Variants in ACKR2 observed in about 807,000 individuals in gnomAD.
ACKR2 encodes the protein atypical chemokine receptor 2, also known as C-C chemokine receptor D6.
For missense variants in ACKR2, 457 were observed against 477.3 expected (o/e 0.96, Z 0.40); for synonymous variants, 207 against 192.2 (o/e 1.08, Z -0.64).
At chr3:42,820,828 C>T (rs1346067249) in intron 2 of ACKR2, among the ~76,000 whole-genome samples, 5 of 150,162 alleles carry the variant, frequency 3.3e-5, no homozygotes. Context: ...TAAGGTGCAG[C>T]TTGTGAGTTC....
chr3:42,854,441 G>A (rs974698144), intron 2 of ACKR2, among the ~76,000 whole-genome samples: 2 of 152,066 alleles, frequency 1.3e-5, no homozygotes, highest in African/African-American at 2.4e-5. Context: ...TCCCACTGTC[G>A]GAACCTCAAC....
chr3:42,825,064 G>A (rs938519819), intron 2 of ACKR2, among the ~76,000 whole-genome samples: 1 of 152,108 alleles, frequency 6.6e-6, no homozygotes, highest in African/African-American at 2.4e-5. Flanking sequence ...CTATTCGATT[G>A]ATCTATATGA....
chr3:42,863,065 A>G (rs919813178), intron 2 of ACKR2, among the ~76,000 whole-genome samples: 1 of 152,254 alleles, frequency 6.6e-6, no homozygotes, highest in Admixed American at 6.5e-5. Flanking sequence ...ATCAGAGTGA[A>G]CAGACAACCT....
Position 42,864,958 on chromosome 3 carries a change from C to A in ACKR2, c.456C>A (p.Tyr152Ter). 2 of 1,614,130 alleles carry A rather than the reference C, an allele frequency of 1.2e-6. No homozygotes were observed. The highest frequency in any genetic ancestry group is 1.7e-6 in the Non-Finnish European group (2 of 1,180,020). ...TGGAGATCGTTCATGCTCAGCCCTA[C>A]CACAGGCTGAGGACCCGGGCCAAGA... ...KYLEIVHAQP[Y>*]HRLRTRAKSL... The change falls in exon 3 of 3, where the codon TAC (tyrosine) becomes TAA (stop). Residue 152 changes from tyrosine (Y) to a stop codon, truncating the protein, a stop_gained. Coordinates refer to ENST00000422265, the MANE Select transcript of ACKR2 (RefSeq NM_001296.5). LOFTEE classifies it low-confidence loss of function (END_TRUNC).
chr3:42,815,575 G>A (rs1700739969), intron 1 of ACKR2, among the ~76,000 whole-genome samples: 1 of 152,176 alleles, frequency 6.6e-6, no homozygotes, highest in African/African-American at 2.4e-5. Context: ...TTTCAAAGTT[G>A]TATTTAAAAC....
intron 2 of ACKR2, among the ~76,000 whole-genome samples, chr3:42,824,807 A>G (rs1700845417): frequency 6.6e-6 from 1 of 152,212 alleles, no homozygotes; most frequent in East Asian, 1.9e-4. Flanking sequence ...ACATTTGTGT[A>G]TATGTGTTTT....
intron 2 of ACKR2, among the ~76,000 whole-genome samples, chr3:42,826,757 T>C (rs1700869589): frequency 6.6e-6 from 1 of 152,194 alleles, no homozygotes; most frequent in African/African-American, 2.4e-5. Flanking sequence ...TTATTTTGTC[T>C]TTATTTTTGC....
chr3:42,845,496 G>A (rs1432206595), intron 2 of ACKR2, among the ~76,000 whole-genome samples: 1 of 152,100 alleles, frequency 6.6e-6, no homozygotes, highest in East Asian at 1.9e-4. Flanking sequence ...TGAACAGCTG[G>A]AACTACAGGT....
intron 1 of ACKR2, among the ~76,000 whole-genome samples, chr3:42,812,830 G>A (rs373774991): frequency 1.7e-4 from 26 of 151,942 alleles, no homozygotes; most frequent in African/African-American, 6.3e-4. Context: ...GGGACTACAG[G>A]CATGTGCCAC....
At chr3:42,857,560 T>C (rs1037673140) in intron 2 of ACKR2, among the ~76,000 whole-genome samples, 1 of 152,202 alleles carries the variant, frequency 6.6e-6, no homozygotes, top group Admixed American at 6.5e-5. Context: ...GGCACTGTTA[T>C]TATTTTCATT....
intron 1 of ACKR2, among the ~76,000 whole-genome samples, chr3:42,819,410 GAAA>G (rs1700786135): frequency 2.1e-5 from 2 of 96,176 alleles, no homozygotes; most frequent in African/African-American, 9.8e-5. Context: ...CTTTCCAGTA[GAAA>G]AGAGCTGGGC....
At chr3:42,816,784 C>T (rs1440799582) in intron 1 of ACKR2, among the ~76,000 whole-genome samples, 1 of 152,016 alleles carries the variant, frequency 6.6e-6, no homozygotes, top group Non-Finnish European at 1.5e-5. Flanking sequence ...TCTCAAACTC[C>T]TTACCTCAGG....
chr3:42,822,212 T>C (rs1700815521), intron 2 of ACKR2, among the ~76,000 whole-genome samples: 2 of 149,646 alleles, frequency 1.3e-5, no homozygotes, highest in African/African-American at 2.5e-5. Context: ...TGGAAAGATA[T>C]ACTCCTCAAA....
intron 2 of ACKR2, among the ~76,000 whole-genome samples, chr3:42,828,074 TTATA>T (rs199846772): frequency 8.2e-6 from 1 of 122,516 alleles, no homozygotes; most frequent in African/African-American, 3.0e-5. Context: ...GATGCTTGCA[TTATA>T]TATATATATA....
rs142321162 is a variant in ACKR2, at chr3:42,866,551, A to T, written c.*894A>T. ...GGAGAATTGCTGTAATAGTTTTCCAACTGGCCCCTGTCCTTCCTCTCTCTT... is the reference window on the plus strand; with the variant it reads ...GGAGAATTGCTGTAATAGTTTTCCATCTGGCCCCTGTCCTTCCTCTCTCTT... On this transcript the variant is annotated 3_prime_UTR_variant, in exon 3 of 3. Transcript: ENST00000422265. The T allele has an allele frequency of 6.0e-6, 1 of 167,020 alleles. No individual in the cohort carries two copies. The highest frequency in any genetic ancestry group is 1.9e-4 in the East Asian group (1 of 5,194). The allele number at this position is 167,020 out of a possible 1,614,324, so 10.3% of individuals were successfully genotyped here. A position where few individuals can be genotyped will look rare whatever the true frequency, so the allele number is the denominator to read the frequency against.
intron 1 of ACKR2, among the ~76,000 whole-genome samples, chr3:42,811,439 G>A (rs915433907): frequency 6.6e-6 from 1 of 152,150 alleles, no homozygotes; most frequent in Non-Finnish European, 1.5e-5. Flanking sequence ...AAAAGTCATC[G>A]CCATTCTCCA....
intron 2 of ACKR2, chr3:42,839,344 A>C (rs1701014724): frequency 6.6e-6 from 1 of 152,098 alleles, no homozygotes; most frequent in African/African-American, 2.4e-5. Context: ...GGAGCTCCGA[A>C]TCAATCTTGG....
At chr3:42,831,917 T>C (rs1202289180) in intron 2 of ACKR2, among the ~76,000 whole-genome samples, 1 of 152,158 alleles carries the variant, frequency 6.6e-6, no homozygotes, top group Non-Finnish European at 1.5e-5. Context: ...CAAGTGAACA[T>C]AGGGAAATAC....
chr3:42,832,522 GAAAAA>G (rs1034859732), intron 2 of ACKR2, among the ~76,000 whole-genome samples: 6 of 141,900 alleles, frequency 4.2e-5, no homozygotes, highest in Non-Finnish European at 8.2e-5. Context: ...AAAAAAGAAA[GAAAAA>G]GAAAAAGAAA....
Sources: allele counts gnomAD v4.1 joint callset (sites outside exome capture counted in the v4.1 genomes callset), GRCh38; gene constraint gnomAD v4.1.1; transcripts MANE v1.5; gene names NCBI Gene and HGNC (gene_info 2026-07-23, HGNC 2026-07-21).